Variants in MSTO1 observed in about 807,000 individuals in gnomAD.
MSTO1 encodes protein misato homolog 1.
In MSTO1, 24 loss-of-function variants were observed where a neutral mutation model predicts 55.7. The ratio of observed to expected loss-of-function variants is 0.43; its 90% confidence interval spans 0.31 to 0.61. MSTO1 has a LOEUF of 0.61. Among genes scored for constraint, MSTO1 ranks in the 20% least tolerant of loss-of-function variants. The probability of loss-of-function intolerance (pLI) is 0.09; values close to 1 mark genes in which losing one functional copy is unlikely to be tolerated. For missense variants in MSTO1, 363 were observed against 625.7 expected (o/e 0.58, Z 4.48); for synonymous variants, 162 against 252.8 (o/e 0.64, Z 3.41).
the MSTO1 span, among the ~76,000 whole-genome samples, chr1:155,597,374 G>T: frequency 1.2e-4 from 18 of 150,770 alleles, no homozygotes; most frequent in Non-Finnish European, 1.9e-4. Context: ...GGAGGCTGAG[G>T]CAGGAGAATC....
chr1:155,588,359 G>T, the MSTO1 span, among the ~76,000 whole-genome samples: 2 of 152,014 alleles, frequency 1.3e-5, no homozygotes, highest in Non-Finnish European at 1.5e-5. Context: ...TATATGGCAG[G>T]TACTCAGAAT....
At chr1:155,581,814 G>T in the MSTO1 span, among the ~76,000 whole-genome samples, 1 of 149,582 alleles carries the variant, frequency 6.7e-6, no homozygotes, top group Non-Finnish European at 1.5e-5. Context: ...TTTTTTTTGA[G>T]ATGTAGTCTT....
chr1:155,609,688 C>G (rs562724204), upstream of MSTO1: 1 of 154,346 alleles, frequency 6.5e-6, no homozygotes, highest in South Asian at 2.0e-4. Flanking sequence ...GATACATACT[C>G]TCTTTACATA....
the MSTO1 span, chr1:155,602,181 C>T: frequency 1.4e-6 from 1 of 701,946 alleles, no homozygotes; most frequent in African/African-American, 1.8e-5. Flanking sequence ...TTCAAAACTA[C>T]AAATGAGCAC....
the MSTO1 span, among the ~76,000 whole-genome samples, chr1:155,591,515 G>C: frequency 3.3e-5 from 5 of 152,188 alleles, no homozygotes; most frequent in African/African-American, 1.2e-4. Context: ...CTGTAGGCCA[G>C]GTGTGGTGGC....
chr1:155,605,517 T>C (rs1254471473), upstream of MSTO1, among the ~76,000 whole-genome samples: 1 of 152,180 alleles, frequency 6.6e-6, no homozygotes, highest in Non-Finnish European at 1.5e-5. Flanking sequence ...AAAACTTTTC[T>C]GCAAACACTG....
the MSTO1 span, among the ~76,000 whole-genome samples, chr1:155,565,714 A>G: frequency 2.6e-5 from 4 of 152,202 alleles, no homozygotes; most frequent in African/African-American, 9.6e-5. Flanking sequence ...CATTAACTAC[A>G]CTGATCAATG....
the MSTO1 span, chr1:155,563,991 CT>C: frequency 5.8e-6 from 1 of 172,526 alleles, no homozygotes; most frequent in East Asian, 1.7e-4. Flanking sequence ...TCTCAAAACA[CT>C]TGACTGATAT....
At chr1:155,586,760 A>AT in the MSTO1 span, 7 of 453,710 alleles carry the variant, frequency 1.5e-5, no homozygotes, top group African/African-American at 6.1e-5. Context: ...TTTTATTATT[A>AT]TTTTTTTAAC....
chr1:155,589,101 C>A, the MSTO1 span, among the ~76,000 whole-genome samples: 1 of 152,050 alleles, frequency 6.6e-6, no homozygotes, highest in African/African-American at 2.4e-5. Context: ...AGTTTGAGAC[C>A]AGCCTGGCCA....
chr1:155,581,957 CTTT>C, the MSTO1 span, among the ~76,000 whole-genome samples: 2 of 134,558 alleles, frequency 1.5e-5, no homozygotes, highest in Non-Finnish European at 1.6e-5. Context: ...CCATGTCTGG[CTTT>C]TTTTTTTTTT....
upstream of MSTO1, among the ~76,000 whole-genome samples, chr1:155,609,574 G>A (rs1199656945): frequency 6.6e-6 from 1 of 152,106 alleles, no homozygotes; most frequent in East Asian, 1.9e-4. Flanking sequence ...TAGATCAGTG[G>A]TGGCGTATTC....
the MSTO1 span, among the ~76,000 whole-genome samples, chr1:155,604,291 G>A: frequency 6.6e-6 from 1 of 152,044 alleles, no homozygotes; most frequent in Non-Finnish European, 1.5e-5. Flanking sequence ...TTCTTTTCAA[G>A]CACATAAAGA....
chr1:155,569,770 T>G, the MSTO1 span, among the ~76,000 whole-genome samples: 3 of 151,676 alleles, frequency 2.0e-5, no homozygotes, highest in South Asian at 4.2e-4. Context: ...TTTTTTTAGG[T>G]TTTTTTTACG....
upstream of MSTO1, among the ~76,000 whole-genome samples, chr1:155,609,216 A>AATAT: frequency 9.6e-6 from 1 of 103,716 alleles, no homozygotes; most frequent in Non-Finnish European, 1.9e-5. Context: ...TATTATCAGC[A>AATAT]GTATATATAT....
At chr1:155,587,481 C>T in the MSTO1 span, among the ~76,000 whole-genome samples, 1 of 149,200 alleles carries the variant, frequency 6.7e-6, no homozygotes, top group Admixed American at 6.7e-5. Flanking sequence ...TGGTGGCTCA[C>T]GCCTGTAATC....
At chr1:155,578,297 T>TGG in the MSTO1 span, among the ~76,000 whole-genome samples, 5 of 130,628 alleles carry the variant, frequency 3.8e-5, no homozygotes, top group Non-Finnish European at 8.1e-5. Context: ...AAAGCATTTA[T>TGG]GGGGGAGGGG....
the MSTO1 span, among the ~76,000 whole-genome samples, chr1:155,578,922 CA>C: frequency 6.6e-6 from 1 of 151,190 alleles, no homozygotes; most frequent in Non-Finnish European, 1.5e-5. Flanking sequence ...CTCGGCCTCC[CA>C]AAGTGCTGGG....
At chr1:155,569,499 G>T in the MSTO1 span, among the ~76,000 whole-genome samples, 1 of 142,420 alleles carries the variant, frequency 7.0e-6, no homozygotes, top group African/African-American at 2.7e-5. Context: ...GTGCAATGGC[G>T]CAATCTCAGC....
Sources: allele counts gnomAD v4.1 joint callset (sites outside exome capture counted in the v4.1 genomes callset), GRCh38; gene constraint gnomAD v4.1.1; transcripts MANE v1.5; gene names NCBI Gene and HGNC (gene_info 2026-07-23, HGNC 2026-07-21).